The following MECOM variants were observed in gnomAD, a reference collection of about 807,000 sequenced individuals.
MECOM encodes the protein MDS1 and EVI1 complex locus.
Under a neutral mutation model 116.3 loss-of-function variants are expected in MECOM, and 13 were observed. The observed-to-expected ratio is 0.11, with a 90% confidence interval of 0.07 to 0.18. The LOEUF is 0.18. Among genes scored for constraint, MECOM ranks in the 10% least tolerant of loss-of-function variants. The pLI is 1.00. For synonymous variants in MECOM, 528 were observed against 535.2 expected (o/e 0.99, Z 0.19); for missense variants, 1,299 against 1,509.0 (o/e 0.86, Z 2.31).
intron 12 of MECOM, among the ~76,000 whole-genome samples, chr3:169,100,547 A>C (rs1472361966): frequency 6.6e-6 from 1 of 152,182 alleles, no homozygotes; most frequent in Non-Finnish European, 1.5e-5. Context: ...TTTGTCAATT[A>C]AGATCATCCT....
At chr3:169,305,229 T>C (rs1717449030) in intron 2 of MECOM, among the ~76,000 whole-genome samples, 1 of 152,088 alleles carries the variant, frequency 6.6e-6, no homozygotes, top group African/African-American at 2.4e-5. Flanking sequence ...AATATAATCA[T>C]ATTCAGTGAA....
chr3:169,128,251 AT>A (rs1227762715), intron 4 of MECOM, among the ~76,000 whole-genome samples, 191 bp from the exon 5 acceptor site: 3 of 152,218 alleles, frequency 2.0e-5, no homozygotes, highest in African/African-American at 7.2e-5. Context: ...AACATAAGCA[AT>A]GGCTGTGACT....
At chr3:169,594,176 A>AC (rs1766834527) in intron 1 of MECOM, among the ~76,000 whole-genome samples, 2 of 139,732 alleles carry the variant, frequency 1.4e-5, no homozygotes, top group African/African-American at 5.7e-5. Context: ...AAAAAAAAAA[A>AC]CACCTTTTCA....
At chr3:169,359,268 C>A (rs1467220400) in intron 2 of MECOM, among the ~76,000 whole-genome samples, 3 of 151,726 alleles carry the variant, frequency 2.0e-5, no homozygotes, top group African/African-American at 7.3e-5. Flanking sequence ...TTGGACTATA[C>A]ATAGAAACCA....
rs555118111 is a variant in MECOM at position 169,642,021 on chromosome 3, T to C, written c.37+21315A>G. Among the ~76,000 whole-genome samples the C allele has an allele frequency of 1.7e-4, 26 of 152,320 alleles. No homozygotes were observed. The East Asian group carries it at 1.9e-3, about 11-fold the overall frequency. On this transcript the variant is annotated intron_variant, in intron 1 of 16. Coordinates refer to ENST00000651503, the MANE Select transcript of MECOM (RefSeq NM_004991.4). ...ATTGAGAAAGAACTAATACATAGAG[T>C]ATCAATTTTCAGTAAATATAAATGG...
chr3:169,487,658 G>T (rs192086141), intron 1 of MECOM, among the ~76,000 whole-genome samples: 266 of 151,624 alleles, frequency 1.8e-3, no homozygotes, highest in African/African-American at 6.2e-3. Context: ...TAAGAAGAAA[G>T]AAATAAATCC....
At chr3:169,177,746 G>C (rs1745376591) in intron 2 of MECOM, among the ~76,000 whole-genome samples, 1 of 151,874 alleles carries the variant, frequency 6.6e-6, no homozygotes, top group Admixed American at 6.6e-5. Flanking sequence ...GTGAAATACT[G>C]TCTCTACTAA....
chr3:169,625,035 A>G (rs77519141), intron 1 of MECOM, among the ~76,000 whole-genome samples: 9 of 33,578 alleles, frequency 2.7e-4, no homozygotes, highest in African/African-American at 5.6e-4. Context: ...TTGTCCTTGG[A>G]AAAAAAAAAA....
intron 2 of MECOM, among the ~76,000 whole-genome samples, chr3:169,242,297 A>G (rs1397265594): frequency 6.6e-6 from 1 of 152,104 alleles, no homozygotes; most frequent in African/African-American, 2.4e-5. Flanking sequence ...GCCTGCGGCA[A>G]TCAGTCCTGG....
At chr3:169,337,160 A>G (rs1328961011) in intron 2 of MECOM, among the ~76,000 whole-genome samples, 1 of 152,184 alleles carries the variant, frequency 6.6e-6, no homozygotes, top group Non-Finnish European at 1.5e-5. Context: ...TAGTTAGCCA[A>G]TAAGTTAAAT....
At chr3:169,347,831 C>T (rs982668481) in intron 2 of MECOM, among the ~76,000 whole-genome samples, 50 of 151,916 alleles carry the variant, frequency 3.3e-4, no homozygotes, top group African/African-American at 1.2e-3. Flanking sequence ...ACATAAACGC[C>T]CAATAAATAC....
At chr3:169,546,587 G>T (rs1018561422) in intron 1 of MECOM, among the ~76,000 whole-genome samples, 1 of 152,192 alleles carries the variant, frequency 6.6e-6, no homozygotes, top group Non-Finnish European at 1.5e-5. Context: ...ATAATGGCAT[G>T]TGGCACTGGC....
chr3:169,114,994 C>T (rs1728676089), intron 8 of MECOM, among the ~76,000 whole-genome samples: 1 of 152,112 alleles, frequency 6.6e-6, no homozygotes, highest in Admixed American at 6.5e-5. Flanking sequence ...AGATATCCCC[C>T]CCATTCCAAA....
intron 2 of MECOM, among the ~76,000 whole-genome samples, chr3:169,297,648 T>A (rs79924000): frequency 0.017 from 2,507 of 150,038 alleles, 62 homozygotes; most frequent in African/African-American, 0.053. Context: ...AATATTATTT[T>A]AAAAAAAATC....
At chr3:169,204,794 T>A (rs1194879631) in intron 2 of MECOM, among the ~76,000 whole-genome samples, 1 of 152,214 alleles carries the variant, frequency 6.6e-6, no homozygotes, top group African/African-American at 2.4e-5. Context: ...TCAATGTTAA[T>A]TCGCCTTATT....
intron 1 of MECOM, among the ~76,000 whole-genome samples, chr3:169,662,377 C>T (rs1776395670): frequency 6.6e-6 from 1 of 152,158 alleles, no homozygotes; most frequent in Non-Finnish European, 1.5e-5. Flanking sequence ...CCCAGCAAGC[C>T]CGAGGTGCGC....
chr3:169,528,306 G>A (rs1284065852), intron 1 of MECOM, among the ~76,000 whole-genome samples: 1 of 152,168 alleles, frequency 6.6e-6, no homozygotes, highest in East Asian at 1.9e-4. Context: ...TGTCTACCCA[G>A]GATTAAGTGC....
intron 1 of MECOM, among the ~76,000 whole-genome samples, chr3:169,539,379 G>T (rs1418684424): frequency 1.3e-5 from 2 of 152,150 alleles, no homozygotes; most frequent in East Asian, 3.9e-4. Flanking sequence ...CCTCCACCAA[G>T]CTCCACAAAT....
chr3:169,313,844 AGG>A (rs1251615782), intron 2 of MECOM, among the ~76,000 whole-genome samples: 2 of 152,226 alleles, frequency 1.3e-5, no homozygotes, highest in African/African-American at 4.8e-5. Flanking sequence ...AAGAGAGGTA[AGG>A]ATATAAGCAA....
Sources: gnomAD v4.1 joint callset for allele counts (sites outside exome capture counted in the v4.1 genomes callset) on GRCh38, gnomAD v4.1.1 for gene constraint, MANE v1.5 for transcripts, NCBI Gene and HGNC (gene_info 2026-07-23, HGNC 2026-07-21) for gene names.